SAMD3: variants seen among roughly 807,000 people sequenced by gnomAD.
SAMD3 encodes sterile alpha motif domain containing 3.
In SAMD3, 63 loss-of-function variants were observed where a neutral mutation model predicts 58.5. The observed-to-expected ratio is 1.08, with a 90% confidence interval of 0.88 to 1.33. The LOEUF (loss-of-function observed/expected upper bound fraction) is 1.33. SAMD3 is among the 40% of genes most tolerant of loss of function. The pLI is 0.00. For synonymous variants in SAMD3, 220 were observed against 210.3 expected (o/e 1.05, Z -0.40); for missense variants, 604 against 608.4 (o/e 0.99, Z 0.08).
intron 2 of SAMD3, among the ~76,000 whole-genome samples, chr6:130,243,871 G>A (rs1451037738): frequency 6.6e-6 from 1 of 152,108 alleles, no homozygotes; most frequent in African/African-American, 2.4e-5. Flanking sequence ...AAATGTATCT[G>A]CTGCTACTTG....
chr6:130,194,969 C>T (rs978964575), intron 5 of SAMD3, among the ~76,000 whole-genome samples: 32 of 152,162 alleles, frequency 2.1e-4, no homozygotes, highest in African/African-American at 7.5e-4. Context: ...TCCCTTGCCT[C>T]CATAACTGTT....
chr6:130,143,115 T>A (rs543262789), downstream of SAMD3: 1 of 152,336 alleles, frequency 6.6e-6, no homozygotes, highest in South Asian at 2.1e-4. Flanking sequence ...TAATGAACAG[T>A]CCTTAGAGAG....
chr6:130,292,223 G>A (rs1330293567), intron 2 of SAMD3, among the ~76,000 whole-genome samples: 2 of 150,582 alleles, frequency 1.3e-5, no homozygotes, highest in Non-Finnish European at 3.0e-5. Flanking sequence ...CAGGAACTTA[G>A]AACTTAGGTG....
At chr6:130,214,592 G>A in intron 3 of SAMD3, 66 bp from the exon 4 acceptor site, 2 of 1,168,192 alleles carry the variant, frequency 1.7e-6, no homozygotes, top group Admixed American at 2.5e-5. Flanking sequence ...TTCTGAAGAG[G>A]CAAAATTACC....
chr6:130,153,668 A>ATATATATATATATATATC (rs1789447209), intron 9 of SAMD3, among the ~76,000 whole-genome samples: 1 of 138,712 alleles, frequency 7.2e-6, no homozygotes, highest in African/African-American at 2.6e-5. Flanking sequence ...ATATATATTT[A>ATATATATATATATATATC]TTTATTTATT....
intron 1 of SAMD3, among the ~76,000 whole-genome samples, chr6:130,348,908 C>A (rs1328798734): frequency 6.6e-6 from 1 of 152,066 alleles, no homozygotes; most frequent in Non-Finnish European, 1.5e-5. Context: ...CAAACTAGAA[C>A]TCAGGATTAA....
At chr6:130,287,902 G>T (rs181055870) in intron 2 of SAMD3, among the ~76,000 whole-genome samples, 3 of 148,346 alleles carry the variant, frequency 2.0e-5, no homozygotes, top group Non-Finnish European at 3.0e-5. Flanking sequence ...CTGAGATCAC[G>T]CCACTGCACT....
chr6:130,276,519 T>A (rs1374747735), intron 2 of SAMD3, among the ~76,000 whole-genome samples: 1 of 152,124 alleles, frequency 6.6e-6, no homozygotes, highest in Non-Finnish European at 1.5e-5. Context: ...ATTAAAAATA[T>A]TATAAAGCTA....
intron 2 of SAMD3, among the ~76,000 whole-genome samples, chr6:130,242,747 C>A (rs1773406133): frequency 1.3e-5 from 2 of 152,160 alleles, no homozygotes; most frequent in Admixed American, 1.3e-4. Context: ...AGCTGAGGCA[C>A]AATAAGGACA....
intron 9 of SAMD3, among the ~76,000 whole-genome samples, chr6:130,154,007 T>G (rs976015564): frequency 6.6e-6 from 1 of 151,974 alleles, no homozygotes; most frequent in Non-Finnish European, 1.5e-5. Flanking sequence ...AGGACACTTA[T>G]GAAATTATTT....
intron 2 of SAMD3, among the ~76,000 whole-genome samples, chr6:130,271,681 C>G (rs1315412318): frequency 6.6e-6 from 1 of 152,128 alleles, no homozygotes; most frequent in African/African-American, 2.4e-5. Flanking sequence ...TTGTATTAGT[C>G]TGTTTTCACT....
intron 1 of SAMD3, among the ~76,000 whole-genome samples, chr6:130,339,792 C>G (rs1334254354): frequency 2.0e-5 from 3 of 152,176 alleles, no homozygotes; most frequent in African/African-American, 7.2e-5. Flanking sequence ...CTCTTACCTT[C>G]TATAGCCAGT....
At chr6:130,214,238 G>T (rs1305511502) in intron 4 of SAMD3, 99 bp downstream of exon 4, 17 of 950,852 alleles carry the variant, frequency 1.8e-5, no homozygotes, top group Non-Finnish European at 2.5e-5. Flanking sequence ...GCTGAAAACG[G>T]TCACAGTTTT....
At chr6:130,211,213 C>T (rs912949739) in intron 4 of SAMD3, among the ~76,000 whole-genome samples, 10 of 151,854 alleles carry the variant, frequency 6.6e-5, no homozygotes, top group African/African-American at 2.4e-4. Flanking sequence ...GCCACAACCC[C>T]TTATCATAAC....
At chr6:130,154,109 AATG>A (rs555950033) in intron 9 of SAMD3, among the ~76,000 whole-genome samples, 265 of 152,270 alleles carry the variant, frequency 1.7e-3, no homozygotes, top group African/African-American at 6.2e-3. Context: ...GAAAGGGAAT[AATG>A]ATTCACACTG....
chr6:130,324,668 A>G (rs1276821238), intron 1 of SAMD3, among the ~76,000 whole-genome samples: 2 of 152,206 alleles, frequency 1.3e-5, no homozygotes, highest in Non-Finnish European at 2.9e-5. Flanking sequence ...AAGAAGCCGA[A>G]AGATCTGTTA....
chr6:130,308,281 C>T (rs75373752), intron 2 of SAMD3, among the ~76,000 whole-genome samples: 21,894 of 151,326 alleles, frequency 0.14, 2,043 homozygotes, highest in East Asian at 0.36. Context: ...TTTTTAGATG[C>T]CTATAAATTC....
intron 1 of SAMD3, among the ~76,000 whole-genome samples, chr6:130,221,139 C>T (rs1243412180): frequency 2.6e-5 from 4 of 152,268 alleles, no homozygotes; most frequent in East Asian, 1.9e-4. Context: ...CAGGCATGAG[C>T]CACCACGCCC....
intron 2 of SAMD3, among the ~76,000 whole-genome samples, chr6:130,265,520 T>C (rs1240713006): frequency 2.0e-5 from 3 of 152,194 alleles, no homozygotes; most frequent in African/African-American, 2.4e-5. Flanking sequence ...GTATACATCA[T>C]GTCACTGAGG....
Sources: allele counts gnomAD v4.1 joint callset (sites outside exome capture counted in the v4.1 genomes callset), GRCh38; gene constraint gnomAD v4.1.1; transcripts MANE v1.5; gene names NCBI Gene and HGNC (gene_info 2026-07-23, HGNC 2026-07-21).